DENND3: variants seen among roughly 807,000 people sequenced by gnomAD.
DENND3 encodes the protein DENN domain-containing protein 3.
A neutral mutation model predicts 135.1 loss-of-function variants in DENND3; 88 were observed. The observed-to-expected ratio is 0.65, with a 90% CI of 0.55 to 0.78. The LOEUF (loss-of-function observed/expected upper bound fraction) is 0.78, where lower values mean the gene tolerates loss of function less well. Ranked by LOEUF, DENND3 falls within the 30% of genes least tolerant of loss-of-function variation. The pLI, the probability that DENND3 is intolerant of heterozygous loss-of-function variation, is 0.00. For missense variants in DENND3, 1,392 were observed against 1,688.4 expected (o/e 0.82, Z 3.08); for synonymous variants, 693 against 712.3 (o/e 0.97, Z 0.43).
chr8:141,170,529 G>A (rs1182227776), intron 13 of DENND3, among the ~76,000 whole-genome samples: 1 of 152,214 alleles, frequency 6.6e-6, no homozygotes, highest in East Asian at 1.9e-4. Flanking sequence ...GGTGAGCTCA[G>A]AAGCCATCAG....
At chr8:141,170,372 T>C (rs565679451) in intron 13 of DENND3, among the ~76,000 whole-genome samples, 41 of 152,114 alleles carry the variant, frequency 2.7e-4, no homozygotes, top group Middle Eastern at 6.8e-3. Flanking sequence ...TGAGTGTGTA[T>C]GTGTGTATAT....
At chr8:141,173,431 C>G (rs1486283761) in intron 13 of DENND3, 1 of 152,372 alleles carries the variant, frequency 6.6e-6, no homozygotes, top group South Asian at 2.1e-4. Flanking sequence ...AGCCTGCCTT[C>G]CCGCTCAGCT....
rs763159577 is a variant in DENND3, at chr8:141,174,528, C to T, written c.2276-672C>T. Among the ~76,000 whole-genome samples the T allele has an allele frequency of 3.6e-4, 55 of 152,102 alleles. No homozygotes were observed. Among genetic ancestry groups the T allele is most frequent in the Non-Finnish European group, 4.4e-4 (30 of 68,012 alleles). On this transcript the variant is annotated intron_variant, in intron 13 of 22. Transcript: ENST00000519811. The surrounding 1 kb of genome is among the most constrained non-coding windows in gnomAD (Gnocchi z 4.6). ...CGCTGACAGATAAGCAGGTTCGTTC[C>T]GCGACTTGCCAGGAGTCTCTGTGAA...
At chr8:141,142,207 C>T in intron 4 of DENND3, 2 of 352,622 alleles carry the variant, frequency 5.7e-6, no homozygotes, top group South Asian at 4.2e-5. Flanking sequence ...CAAGTTCAGA[C>T]ATGGTCAGTC....
chr8:141,192,282 T>C, intron 20 of DENND3, 49 bp from the exon 21 acceptor site: 2 of 1,604,140 alleles, frequency 1.2e-6, no homozygotes, highest in African/African-American at 2.7e-5. Flanking sequence ...TGGCGTCTTA[T>C]GTTGCCAATG....
At position 141,195,210 on chromosome 8, in the gene DENND3, A is replaced by G. The variant is rs1825209993; in HGVS notation, c.*977A>G. On this transcript the variant is annotated 3_prime_UTR_variant, in exon 23 of 23. Transcript: ENST00000519811. ...AGACCCTTTGCACCTTTTTACTGTA[A>G]TGTTGAGACTTCATTACTTAAATGT... 6.6e-6 allele frequency: 1 copy of G among 152,328 alleles called. No homozygotes were observed. Among genetic ancestry groups the G allele is most frequent in the Middle Eastern group, 3.2e-3 (1 of 316 alleles). The allele number at this position is 152,328 out of a possible 1,614,324, so 9.4% of individuals were successfully genotyped here. A position where few individuals can be genotyped will look rare whatever the true frequency, so the allele number is the denominator to read the frequency against.
chr8:141,141,468 G>T lies in DENND3; in HGVS notation c.623+144G>T. The stretch of plus-strand genomic sequence containing the variant: ...GTGAGCCGGGGGACCGGGCGCTGGG[G>T]GCAGTAGGAGGGGCAGTTCTCTGTG... On this transcript the variant is annotated intron_variant, in intron 4 of 22. Coordinates refer to ENST00000519811, the MANE Select transcript of DENND3 (RefSeq NM_001352890.3). This position sits in a 1 kb window ranked among gnomAD's most constrained non-coding sequence, Gnocchi z 5.3. The T allele has an allele frequency of 1.0e-6, 1 of 969,120 alleles. No homozygotes were observed. The highest frequency in any genetic ancestry group is 1.5e-6 in the Non-Finnish European group (1 of 657,062). 60.0% of individuals were successfully genotyped at this position (969,120 alleles called of 1,614,324 possible).
At chr8:141,170,715 C>T (rs1253753022) in intron 13 of DENND3, among the ~76,000 whole-genome samples, 2 of 152,216 alleles carry the variant, frequency 1.3e-5, no homozygotes, top group Non-Finnish European at 2.9e-5. Flanking sequence ...CAGGAGCCAC[C>T]TGGGGGGCAG....
intron 8 of DENND3, 120 bp downstream of exon 8, chr8:141,156,090 G>T: frequency 1.5e-6 from 2 of 1,313,416 alleles, no homozygotes; most frequent in South Asian, 1.9e-5. Flanking sequence ...ATTATAGTTT[G>T]GAAATTATTT....
intron 14 of DENND3, chr8:141,176,380 G>A (rs1242929400): frequency 1.0e-5 from 6 of 585,084 alleles, no homozygotes; most frequent in Non-Finnish European, 1.8e-5. Flanking sequence ...AGCTGTGTGG[G>A]TGGGTGTAGG....
At chr8:141,160,538 G>T in intron 8 of DENND3, 94 bp from the exon 9 acceptor site, 1 of 1,382,760 alleles carries the variant, frequency 7.2e-7, no homozygotes, top group Non-Finnish European at 9.6e-7. Flanking sequence ...ATTTGTGTCT[G>T]TGAAGTGTTC....
chr8:141,165,414 A>G, intron 11 of DENND3, 125 bp downstream of exon 11: 1 of 666,502 alleles, frequency 1.5e-6, no homozygotes, highest in South Asian at 1.9e-5. Context: ...GAAACTCATG[A>G]TGAACTGGGC....
chr8:141,185,324 T>C (rs1292528786), intron 18 of DENND3, 46 bp downstream of exon 18: 1 of 1,610,998 alleles, frequency 6.2e-7, no homozygotes, highest in Admixed American at 1.7e-5. Flanking sequence ...ATTCACGTGA[T>C]TTCTGAAACC....
intron 18 of DENND3, among the ~76,000 whole-genome samples, chr8:141,186,583 C>A (rs1184309781): frequency 7.2e-5 from 11 of 152,188 alleles, no homozygotes; most frequent in Non-Finnish European, 1.5e-4. Context: ...TTATGTGTGG[C>A]CCAAGACAAT....
rs543645454 is a variant in DENND3, at chr8:141,184,209, T to C, written c.2945-930T>C. On this transcript the variant is annotated intron_variant, in intron 17 of 22. Transcript: ENST00000519811. ...ATCTTTAAAATGGGTGCTGCTAAAATCATTGCTTTTAATGTAGTCAGATTC... is the reference window on the plus strand; with the variant it reads ...ATCTTTAAAATGGGTGCTGCTAAAACCATTGCTTTTAATGTAGTCAGATTC... Among the ~76,000 whole-genome samples, 205 of 152,338 alleles carry C rather than the reference T, an allele frequency of 1.3e-3. 1 individual carries two copies. The highest frequency in any genetic ancestry group is 2.0e-3 in the Non-Finnish European group (139 of 68,028).
Position 141,168,025 on chromosome 8 carries a change from C to G in DENND3, c.1775C>G (p.Ser592Cys). 6.2e-7 allele frequency: 1 copy of G among 1,612,514 alleles called. No individual in the cohort carries two copies. The highest frequency in any genetic ancestry group is 8.5e-7 in the Non-Finnish European group (1 of 1,179,104). Reference sequence around the variant, plus strand: ...TTAGTTCTGAATGTCACGCCGAAGTCCCCGTATACATTCAAGATTCCCGAA... The same window carrying G: ...TTAGTTCTGAATGTCACGCCGAAGTGCCCGTATACATTCAAGATTCCCGAA... Reference protein sequence around the residue: ...SSAVLNVTPKSPYTFKIPEIH... With the variant: ...SSAVLNVTPKCPYTFKIPEIH... Residue 592 changes from serine to cysteine, a missense_variant, in exon 13 of 23, where the codon TCC becomes TGC. By Grantham distance (112) the Ser-to-Cys change is moderately radical. Transcript: ENST00000519811. This position sits in a 1 kb window ranked among gnomAD's most constrained non-coding sequence, Gnocchi z 6.2.
intron 13 of DENND3, among the ~76,000 whole-genome samples, chr8:141,169,640 G>A (rs1821260845): frequency 1.3e-5 from 2 of 152,184 alleles, no homozygotes; most frequent in African/African-American, 2.4e-5. Flanking sequence ...GCCACTGTCC[G>A]AAGCTGGAGC....
chr8:141,176,965 C>T (rs534468867), intron 15 of DENND3: 10 of 594,712 alleles, frequency 1.7e-5, no homozygotes, highest in East Asian at 5.9e-5. Flanking sequence ...CACGGTGCTA[C>T]GGAAGAGCAT....
At chr8:141,161,183 T>C (rs1356010085) in intron 9 of DENND3, among the ~76,000 whole-genome samples, 1 of 152,210 alleles carries the variant, frequency 6.6e-6, no homozygotes, top group Non-Finnish European at 1.5e-5. Context: ...CTCTGGCCTG[T>C]GCTGGCTCCG....
Sources: allele counts gnomAD v4.1 joint callset (sites outside exome capture counted in the v4.1 genomes callset), GRCh38; gene constraint gnomAD v4.1.1; non-coding constraint Gnocchi (gnomAD v3.1); transcripts MANE v1.5; gene names NCBI Gene and HGNC (gene_info 2026-07-23, HGNC 2026-07-21).